The following ZMYND11 variants were observed in gnomAD, a reference collection of about 807,000 sequenced individuals.
ZMYND11 encodes the protein zinc finger MYND-type containing 11, also known as zinc finger MYND domain-containing protein 11.
ZMYND11 carries 9 observed loss-of-function variants against 84.9 expected under a neutral mutation model. The observed-to-expected ratio is 0.11, with a 90% CI of 0.06 to 0.18. The LOEUF (loss-of-function observed/expected upper bound fraction) is 0.18. ZMYND11 is among the 10% of genes least tolerant of loss of function. The pLI is 1.00. For missense variants in ZMYND11, 409 were observed against 761.0 expected (o/e 0.54, Z 5.44); for synonymous variants, 250 against 244.1 (o/e 1.02, Z -0.23).
At chr10:199,294 ACTCCCTCCCTCTCTTCCTCC>A (rs900711576) in intron 2 of ZMYND11, among the ~76,000 whole-genome samples, 7 of 20,748 alleles carry the variant, frequency 3.4e-4, no homozygotes, top group Middle Eastern at 0.023. Flanking sequence ...TCCCTCCCTC[ACTCCCTCCCTCTCTTCCTCC>A]CTCCCTCCCT....
intron 1 of ZMYND11, among the ~76,000 whole-genome samples, chr10:172,305 A>T (rs1403281352): frequency 6.6e-6 from 1 of 152,222 alleles, no homozygotes; most frequent in Non-Finnish European, 1.5e-5. Context: ...GGAAAAAAGA[A>T]ATAAAACTGT....
intron 4 of ZMYND11, among the ~76,000 whole-genome samples, chr10:223,346 C>T (rs1035440654): frequency 6.6e-6 from 1 of 152,086 alleles, no homozygotes; most frequent in African/African-American, 2.4e-5. Context: ...GTCTGTGTTT[C>T]CTCTACTCTT....
At position 237,712 on chromosome 10, in the gene ZMYND11, C is replaced by T. The variant is rs759957495; in HGVS notation, c.609+35C>T. The stretch of plus-strand genomic sequence containing the variant: ...GTTTCTTTTATTTCCACTTCAAGTA[C>T]ATTTTCTTAACTAACAAGTTAAAGA... On this transcript the variant is annotated intron_variant, in intron 6 of 14. Coordinates refer to ENST00000381604, the MANE Select transcript of ZMYND11 (RefSeq NM_001370100.5). 2.0e-6 allele frequency: 3 copies of T among 1,516,004 alleles called. No homozygotes were observed. In the East Asian group the frequency reaches 6.8e-5, roughly 34 times the overall value. The allele number at this position is 1,516,004 out of a possible 1,614,324, so 93.9% of individuals were successfully genotyped here. A position where few individuals can be genotyped will look rare whatever the true frequency, so the allele number is the denominator to read the frequency against.
At chr10:180,632 C>T (rs1212274245) in intron 2 of ZMYND11, among the ~76,000 whole-genome samples, 1 of 152,230 alleles carries the variant, frequency 6.6e-6, no homozygotes, top group Non-Finnish European at 1.5e-5. Context: ...AACTCCTGAC[C>T]TCGTGATTCG....
intron 4 of ZMYND11, among the ~76,000 whole-genome samples, chr10:233,521 T>C (rs547978216): frequency 6.6e-6 from 1 of 152,358 alleles, no homozygotes; most frequent in South Asian, 2.1e-4. Flanking sequence ...TGAATCTGAA[T>C]GGTGCTCTGT....
chr10:159,141 A>T (rs1842445277), intron 1 of ZMYND11, among the ~76,000 whole-genome samples: 2 of 142,650 alleles, frequency 1.4e-5, no homozygotes, highest in African/African-American at 5.2e-5. Context: ...TTAATAGCTG[A>T]CTGTACTCCA....
In ZMYND11 at chr10:153,226, ATC is replaced by A. The variant is rs376425283; in HGVS notation, c.-20+17672_-20+17673del. On this transcript the variant is annotated intron_variant, in intron 1 of 14. Transcript: ENST00000381604. ...TTATACAACCTACAAATTATGACAAATCTCTCAAAAAATTTGAGAAATGAAAC... is the reference window on the plus strand; with the variant it reads ...TTATACAACCTACAAATTATGACAAATCTCAAAAAATTTGAGAAATGAAAC... Among the ~76,000 whole-genome samples, 72 of 152,360 alleles carry A rather than the reference ATC, an allele frequency of 4.7e-4. 2 individuals are homozygous for A. The South Asian group carries it at 8.5e-3, about 18-fold the overall frequency.
chr10:242,467 G>GTTACTCTA (rs1288495619), intron 10 of ZMYND11, among the ~76,000 whole-genome samples: 5 of 151,518 alleles, frequency 3.3e-5, no homozygotes, highest in Non-Finnish European at 7.4e-5. Context: ...CATATTCACA[G>GTTACTCTA]TTACTCTAGT....
intron 14 of ZMYND11, 89 bp downstream of exon 14, chr10:249,177 CAGA>C (rs1472137250): frequency 4.4e-6 from 7 of 1,574,134 alleles, no homozygotes; most frequent in South Asian, 2.4e-5. Flanking sequence ...GTGGCACATG[CAGA>C]AGATGTTTCT....
intron 1 of ZMYND11, among the ~76,000 whole-genome samples, chr10:167,260 C>T (rs2131582641): frequency 6.6e-6 from 1 of 152,088 alleles, no homozygotes; most frequent in South Asian, 2.1e-4. Context: ...ATATATTTCG[C>T]TACAGTTTTA....
Position 175,395 on chromosome 10 carries a change from C to T in ZMYND11, c.-19-4599C>T, listed in dbSNP as rs143013573. ...CCAGCCTGGCCAACATGGCGAAACC[C>T]CATCTCTACTAAAAATACAAAAATT... On this transcript the variant is annotated intron_variant, in intron 1 of 14. Coordinates refer to ENST00000381604, the MANE Select transcript of ZMYND11 (RefSeq NM_001370100.5). 5.5e-3 allele frequency among the ~76,000 whole-genome samples: 844 copies of T among 152,198 alleles called. 3 individuals are homozygous for T. Among genetic ancestry groups the T allele is most frequent in the South Asian group, 7.9e-3 (38 of 4,816 alleles).
intron 10 of ZMYND11, among the ~76,000 whole-genome samples, chr10:245,251 A>G (rs1194566077): frequency 6.6e-6 from 1 of 152,228 alleles, no homozygotes; most frequent in East Asian, 1.9e-4. Flanking sequence ...ATGGAAGTTC[A>G]ACTCTAACAA....
At chr10:219,199 AG>A (rs1238686272) in intron 3 of ZMYND11, among the ~76,000 whole-genome samples, 4 of 152,232 alleles carry the variant, frequency 2.6e-5, no homozygotes, top group African/African-American at 4.8e-5. Flanking sequence ...GGATGGGGAA[AG>A]GGTAGGGATG....
intron 2 of ZMYND11, among the ~76,000 whole-genome samples, chr10:208,626 G>A (rs1384155526): frequency 6.6e-6 from 1 of 152,142 alleles, no homozygotes; most frequent in African/African-American, 2.4e-5. Context: ...CTGCACTGTG[G>A]GCGTCGAGGA....
chr10:247,530 TGTATTTTCAAAGTATTTC>T, intron 12 of ZMYND11, 64 bp downstream of exon 12: 1 of 1,539,610 alleles, frequency 6.5e-7, no homozygotes, highest in Non-Finnish European at 8.9e-7. Context: ...CAAAGTATTT[TGTATTTTCAAAGTATTTC>T]AAAGACAGTC....
intron 2 of ZMYND11, among the ~76,000 whole-genome samples, chr10:208,787 G>T (rs1944650175): frequency 6.6e-6 from 1 of 152,168 alleles, no homozygotes; most frequent in African/African-American, 2.4e-5. Flanking sequence ...GGAGAAGGAA[G>T]AAGGTGGGAG....
At chr10:134,979 G>T (rs1458943107), upstream of ZMYND11, 82 of 149,668 alleles carry the variant, frequency 5.5e-4, no homozygotes, top group African/African-American at 1.9e-3. Flanking sequence ...CCAGCCGCTA[G>T]AGCCCCCAGT....
At chr10:244,374 A>G (rs1951687227) in intron 10 of ZMYND11, 1 of 152,216 alleles carries the variant, frequency 6.6e-6, no homozygotes, top group Non-Finnish European at 1.5e-5. Context: ...TAGACACGCA[A>G]ATAGAATATG....
intron 2 of ZMYND11, among the ~76,000 whole-genome samples, chr10:180,659 A>G (rs1847683433): frequency 6.6e-6 from 1 of 152,244 alleles, no homozygotes; most frequent in South Asian, 2.1e-4. Flanking sequence ...TTGGCGTCCC[A>G]AAGTGCTGGG....
Sources: gnomAD v4.1 joint callset for allele counts (sites outside exome capture counted in the v4.1 genomes callset) on GRCh38, gnomAD v4.1.1 for gene constraint, MANE v1.5 for transcripts, NCBI Gene and HGNC (gene_info 2026-07-23, HGNC 2026-07-21) for gene names.